Variants in CASZ1 observed in about 807,000 individuals in gnomAD.
CASZ1 encodes zinc finger protein castor homolog 1.
In CASZ1, 28 loss-of-function variants were observed where a neutral mutation model predicts 135.2. The observed-to-expected ratio is 0.21, with a 90% CI of 0.15 to 0.28. The LOEUF is 0.28. Among genes scored for constraint, CASZ1 ranks in the 10% least tolerant of loss-of-function variants. The probability of loss-of-function intolerance (pLI) is 1.00; values close to 1 mark genes in which losing one functional copy is unlikely to be tolerated. For synonymous variants in CASZ1, 1,068 were observed against 1,073.4 expected (o/e 0.99, Z 0.10); for missense variants, 2,161 against 2,453.3 (o/e 0.88, Z 2.52).
rs1570529897 is a variant in CASZ1, at chr1:10,727,062, G to C, written c.-76-21518C>G. Among the ~76,000 whole-genome samples, 1 of 152,268 alleles carries C rather than the reference G, an allele frequency of 6.6e-6. No individual in the cohort carries two copies. Among genetic ancestry groups the C allele is most frequent in the East Asian group, 1.9e-4 (1 of 5,172 alleles). ...GGAAGAGAACACAGCCTGTGAGTGA[G>C]GAGGACTGAAACGAAGGCAGAGGGG... On this transcript the variant is annotated intron_variant, in intron 2 of 20. Coordinates refer to ENST00000377022, the MANE Select transcript of CASZ1 (RefSeq NM_001079843.3). The surrounding 1 kb of genome is among the most constrained non-coding windows in gnomAD (Gnocchi z 5.3).
At position 10,709,013 on chromosome 1, in the gene CASZ1, A is replaced by C. The variant is rs1328701169; in HGVS notation, c.-76-3469T>G. Among the ~76,000 whole-genome samples the C allele has an allele frequency of 6.9e-6, 1 of 145,510 alleles. No homozygotes were observed. Among genetic ancestry groups the C allele is most frequent in the African/African-American group, 2.6e-5 (1 of 38,316 alleles). On this transcript the variant is annotated intron_variant, in intron 2 of 20. Transcript: ENST00000377022. The surrounding 1 kb of genome is among the most constrained non-coding windows in gnomAD (Gnocchi z 5.1). Reference sequence around the variant, plus strand: ...TGAGGGAGGGAGGGAGTGCCACGAGAGATGGGACGGGGGAGAGTGACAGGC... The same window carrying C: ...TGAGGGAGGGAGGGAGTGCCACGAGCGATGGGACGGGGGAGAGTGACAGGC...
At chr1:10,713,488 G>A (rs905381674) in intron 2 of CASZ1, among the ~76,000 whole-genome samples, 3 of 152,178 alleles carry the variant, frequency 2.0e-5, no homozygotes, top group South Asian at 4.1e-4. Context: ...TGTGAGGAGG[G>A]GTACCCTGTT....
At chr1:10,693,344 T>A (rs891499422) in intron 4 of CASZ1, among the ~76,000 whole-genome samples, 1 of 151,582 alleles carries the variant, frequency 6.6e-6, no homozygotes, top group African/African-American at 2.4e-5. Flanking sequence ...TTGTCCCAAA[T>A]AAATTAAATT....
chr1:10,649,310 G>T lies in CASZ1; in HGVS notation c.3008C>A (p.Ala1003Glu), dbSNP rs763990103. 1.3e-6 allele frequency: 2 copies of T among 1,596,554 alleles called. No individual in the cohort carries two copies. Among genetic ancestry groups the T allele is most frequent in the South Asian group, 1.1e-5 (1 of 88,730 alleles). ...AVKALVQEKL[A>E]EPWKVYLRRF... is the part of the protein sequence containing the mutation. The stretch of plus-strand genomic sequence containing the variant: ...GCGCAGGTACACCTTCCAGGGCTCT[G>T]CCAACTTCTCCTGAACCAGCGCCTT... The change falls in exon 14 of 21, where the codon GCA becomes GAA. Residue 1003 changes from alanine to glutamate, a missense_variant. Ala to Glu is a moderately radical substitution (Grantham distance 107). Coordinates refer to ENST00000377022, the MANE Select transcript of CASZ1 (RefSeq NM_001079843.3).
In CASZ1 at chr1:10,665,486, G is replaced by T. The variant is rs375855210; in HGVS notation, c.102C>A (p.Ile34=). The T allele has an allele frequency of 2.5e-6, 4 of 1,607,396 alleles. No homozygotes were observed. In the South Asian group the frequency reaches 4.4e-5, roughly 18 times the overall value. Residue 34 remains isoleucine, a synonymous_variant, in exon 5 of 21, where the codon ATC becomes ATA. Transcript: ENST00000377022. ...KRKGGLKLNA[I]CAKLSRQVVV... ...CCACCTGGCGGCTCAGCTTGGCGCA[G>T]ATGGCGTTCAGCTTCAGGCCACCCT...
rs1642108405 is a variant in CASZ1, at chr1:10,639,204, G to A, written c.5018C>T (p.Ser1673Phe). 1 of 964,212 alleles carries A rather than the reference G, an allele frequency of 1.0e-6. No individual in the cohort carries two copies. Among genetic ancestry groups the A allele is most frequent in the South Asian group, 4.3e-5 (1 of 22,990 alleles). 59.7% of individuals were successfully genotyped at this position (964,212 alleles called of 1,614,324 possible). A position where few individuals can be genotyped will look rare whatever the true frequency, so the allele number is the denominator to read the frequency against. ...AAAAAAAAGE[S>F]SQEDEEEELE... ...CTCCTCCTCCTCGTCCTCCTGCGAG[G>A]ACTCCCCAGCTGCGGCGGCGGCGGC... Residue 1673 changes from serine (S) to phenylalanine (F), a missense_variant, in exon 21 of 21, where the codon TCC (serine) becomes TTC (phenylalanine). Physicochemically the swap from Ser to Phe is radical, Grantham distance 155 (BLOSUM62 -2). Around this residue, in one of 7 missense-constraint regions of CASZ1, gnomAD observed 185 missense variants for 134.7 expected, o/e 1.37. Coordinates refer to ENST00000377022, the MANE Select transcript of CASZ1 (RefSeq NM_001079843.3). This position sits in a 1 kb window ranked among gnomAD's most constrained non-coding sequence, Gnocchi z 4.0.
chr1:10,650,866 G>C (rs1642551379), intron 12 of CASZ1, 75 bp downstream of exon 12: 1 of 1,604,226 alleles, frequency 6.2e-7, no homozygotes, highest in African/African-American at 1.3e-5. Flanking sequence ...GCAACTGCCT[G>C]GGCGGGACCA....
chr1:10,660,508 C>T lies in CASZ1; in HGVS notation c.534G>A (p.Ala178=), dbSNP rs143744175. ...CGAGGAACTCGGTCATGGTGGAGGC[C>T]GCGTAGTCCCGCAGCGAGGAGGCCT... ...SGEASSLRDY[A]ASTMTEFLGM... The change falls in exon 6 of 21, where the codon GCG becomes GCA. Residue 178 remains alanine (A), a synonymous_variant. Coordinates refer to ENST00000377022, the MANE Select transcript of CASZ1 (RefSeq NM_001079843.3). The T allele has an allele frequency of 9.9e-6, 16 of 1,613,374 alleles. No individual in the cohort carries two copies. The highest frequency in any genetic ancestry group is 5.3e-5 in the African/African-American group (4 of 74,918).
At chr1:10,693,726 C>G (rs1019947847) in intron 4 of CASZ1, 148 bp downstream of exon 4, 1 of 774,232 alleles carries the variant, frequency 1.3e-6, no homozygotes. Flanking sequence ...TCGCCGATCC[C>G]GAGGCCGGGA....
chr1:10,745,276 T>C (rs1391661769), intron 2 of CASZ1, among the ~76,000 whole-genome samples: 1 of 152,128 alleles, frequency 6.6e-6, no homozygotes, highest in African/African-American at 2.4e-5. Context: ...CCTAAGAGAC[T>C]CAGGGAACCC....
intron 4 of CASZ1, among the ~76,000 whole-genome samples, chr1:10,668,970 G>T (rs1027516612): frequency 6.6e-6 from 1 of 152,212 alleles, no homozygotes; most frequent in Non-Finnish European, 1.5e-5. Context: ...GGCAGGGGCG[G>T]GCTGGCCTCT....
intron 4 of CASZ1, among the ~76,000 whole-genome samples, chr1:10,673,997 G>C (rs1338425114): frequency 6.6e-6 from 1 of 152,240 alleles, no homozygotes; most frequent in Non-Finnish European, 1.5e-5. Flanking sequence ...GCCTGGATCA[G>C]AGCAGAAGCT....
intron 1 of CASZ1, among the ~76,000 whole-genome samples, chr1:10,770,551 C>T (rs1469812163): frequency 1.3e-5 from 2 of 152,162 alleles, no homozygotes; most frequent in African/African-American, 4.8e-5. Flanking sequence ...AACTGGGCCC[C>T]TAGCTGCGGG....
intron 4 of CASZ1, among the ~76,000 whole-genome samples, chr1:10,673,077 G>T (rs1305751234): frequency 6.6e-6 from 1 of 152,168 alleles, no homozygotes; most frequent in Admixed American, 6.5e-5. Flanking sequence ...AAAGCTCCGA[G>T]GGGGGCGGGA....
chr1:10,662,886 A>C (rs1343775873), intron 5 of CASZ1, among the ~76,000 whole-genome samples: 11 of 152,218 alleles, frequency 7.2e-5, no homozygotes, highest in African/African-American at 2.7e-4. Flanking sequence ...GAAGGCGGTC[A>C]GTCCCAGGCT....
At chr1:10,796,395 C>G (rs1641071434) in intron 1 of CASZ1, among the ~76,000 whole-genome samples, 169 bp downstream of exon 1, 1 of 152,098 alleles carries the variant, frequency 6.6e-6, no homozygotes, top group Non-Finnish European at 1.5e-5. Context: ...CGCAGGCTGG[C>G]TGGCTGGCTC....
Position 10,750,027 on chromosome 1 carries a change from G to C in CASZ1, c.-77+10674C>G, listed in dbSNP as rs142886976. ...TATAACTGTGCCCTCTGGACAGCCG[G>C]CCTGTGTGCAGGCAGCTTGCCTAGA... On this transcript the variant is annotated intron_variant, in intron 2 of 20. Transcript: ENST00000377022. Among the ~76,000 whole-genome samples the C allele has an allele frequency of 1.1e-3, 168 of 152,304 alleles. 1 individual carries two copies. The East Asian group carries it at 0.029, about 27-fold the overall frequency.
intron 3 of CASZ1, among the ~76,000 whole-genome samples, chr1:10,695,408 G>C (rs922627376): frequency 6.6e-6 from 1 of 152,168 alleles, no homozygotes; most frequent in Non-Finnish European, 1.5e-5. Flanking sequence ...GACGAATGGA[G>C]ATCGGCGCCC....
At chr1:10,766,002 G>A (rs1197165922) in intron 1 of CASZ1, among the ~76,000 whole-genome samples, 4 of 152,200 alleles carry the variant, frequency 2.6e-5, no homozygotes, top group African/African-American at 9.7e-5. Context: ...AGAGGGAGAC[G>A]GATATCCATG....
Sources: gnomAD v4.1 joint callset for allele counts (sites outside exome capture counted in the v4.1 genomes callset) on GRCh38, gnomAD v4.1.1 for gene constraint, gnomAD v4.1.1 regional missense constraint, Gnocchi (gnomAD v3.1) non-coding constraint, MANE v1.5 for transcripts, NCBI Gene and HGNC (gene_info 2026-07-23, HGNC 2026-07-21) for gene names.